The following ZNRF1 variants were observed in gnomAD, a reference collection of about 807,000 sequenced individuals.
The protein encoded by ZNRF1 is E3 ubiquitin-protein ligase ZNRF1.
ZNRF1 carries 3 observed loss-of-function variants against 18.4 expected under a neutral mutation model. That is an observed-to-expected ratio of 0.16 (90% CI 0.07 to 0.42). The LOEUF (loss-of-function observed/expected upper bound fraction) is 0.42. Ranked by LOEUF, ZNRF1 falls within the 10% of genes least tolerant of loss-of-function variation. The pLI is 0.99. For missense variants in ZNRF1, 310 were observed against 329.8 expected (o/e 0.94, Z 0.47); for synonymous variants, 157 against 144.2 (o/e 1.09, Z -0.64).
intron 1 of ZNRF1, among the ~76,000 whole-genome samples, chr16:75,010,433 A>C (rs1430991608): frequency 1.3e-5 from 2 of 152,196 alleles, no homozygotes; most frequent in African/African-American, 4.8e-5. Context: ...ATTTTGCTCA[A>C]AATAAAGAAT....
chr16:75,098,701 G>A (rs577303442), intron 2 of ZNRF1, among the ~76,000 whole-genome samples: 31 of 152,308 alleles, frequency 2.0e-4, no homozygotes, highest in African/African-American at 6.3e-4. Flanking sequence ...CATTTGCTAG[G>A]GGTTTCCCCT....
chr16:75,005,364 A>G (rs1357758114), intron 1 of ZNRF1, among the ~76,000 whole-genome samples: 1 of 152,226 alleles, frequency 6.6e-6, no homozygotes, highest in African/African-American at 2.4e-5. Context: ...TAGCTCTTAA[A>G]GCGTTTGCTT....
At chr16:75,058,619 C>T (rs2035698778) in intron 1 of ZNRF1, among the ~76,000 whole-genome samples, 1 of 152,176 alleles carries the variant, frequency 6.6e-6, no homozygotes, top group Non-Finnish European at 1.5e-5. Flanking sequence ...GACAACAGGG[C>T]TCCCAGGACT....
chr16:75,025,177 C>G (rs1047898958), intron 1 of ZNRF1, among the ~76,000 whole-genome samples: 1 of 152,154 alleles, frequency 6.6e-6, no homozygotes, highest in African/African-American at 2.4e-5. Context: ...ATGCCATTCT[C>G]CTGCCTCAGC....
intron 1 of ZNRF1, among the ~76,000 whole-genome samples, chr16:75,050,904 A>C (rs868502571): frequency 4.3e-4 from 55 of 128,546 alleles, no homozygotes; most frequent in African/African-American, 1.5e-3. Context: ...AAAAACAAAA[A>C]ACTTGTAGCC....
intron 1 of ZNRF1, among the ~76,000 whole-genome samples, chr16:75,057,167 AC>A (rs2035679473): frequency 6.6e-6 from 1 of 151,674 alleles, no homozygotes; most frequent in African/African-American, 2.4e-5. Context: ...ATCTTGGAAT[AC>A]CCCCACCCTG....
chr16:75,057,635 G>A (rs994070299), intron 1 of ZNRF1, among the ~76,000 whole-genome samples: 1 of 152,126 alleles, frequency 6.6e-6, no homozygotes, highest in African/African-American at 2.4e-5. Flanking sequence ...AAACTGCTAT[G>A]TATTTTTCAT....
intron 3 of ZNRF1, chr16:75,105,803 A>G (rs1287072581): frequency 6.6e-6 from 1 of 152,240 alleles, no homozygotes; most frequent in Non-Finnish European, 1.5e-5. Flanking sequence ...TGGTTTACAA[A>G]TCAGGAAGCT....
chr16:75,073,472 C>T (rs938355034), intron 1 of ZNRF1, among the ~76,000 whole-genome samples: 3 of 151,950 alleles, frequency 2.0e-5, no homozygotes, highest in African/African-American at 7.3e-5. Context: ...CATTCCCCAC[C>T]CCGCCGTAGC....
At chr16:75,019,067 G>T (rs2035109367) in intron 1 of ZNRF1, among the ~76,000 whole-genome samples, 1 of 152,170 alleles carries the variant, frequency 6.6e-6, no homozygotes, top group Non-Finnish European at 1.5e-5. Flanking sequence ...TCAGGAGGTT[G>T]AGGCAGGATG....
At chr16:75,012,975 C>T (rs2145326129) in intron 1 of ZNRF1, among the ~76,000 whole-genome samples, 1 of 152,312 alleles carries the variant, frequency 6.6e-6, no homozygotes, top group Middle Eastern at 3.4e-3. Context: ...ATAAAGGGCA[C>T]AGGCATGGAA....
chr16:75,082,950 A>G (rs974068937), intron 1 of ZNRF1, among the ~76,000 whole-genome samples: 2 of 152,216 alleles, frequency 1.3e-5, no homozygotes, highest in African/African-American at 4.8e-5. Flanking sequence ...ATTCTAAGGC[A>G]CAGACACTTC....
At chr16:75,039,299 G>C (rs1033528617) in intron 1 of ZNRF1, among the ~76,000 whole-genome samples, 28 of 151,814 alleles carry the variant, frequency 1.8e-4, no homozygotes, top group African/African-American at 6.8e-4. Flanking sequence ...TAATGTGGAA[G>C]CATATTTAGA....
intron 1 of ZNRF1, among the ~76,000 whole-genome samples, chr16:75,006,066 C>G (rs890967572): frequency 6.6e-6 from 1 of 152,126 alleles, no homozygotes; most frequent in African/African-American, 2.4e-5. Context: ...AGAAAAGGTA[C>G]AGGATATAGT....
chr16:75,000,060 T>C lies in ZNRF1; in HGVS notation c.389T>C (p.Leu130Pro). ...GCCTCGCTGGCGGATGCTCTACCTC[T>C]GCACATCGCACCCAGGTGGTTCAGC... ...SRASLADALPLHIAPRWFSSH... is the reference protein window; with the variant it reads ...SRASLADALPPHIAPRWFSSH... The change falls in exon 1 of 5, where the codon CTG becomes CCG. Residue 130 changes from leucine to proline, a missense_variant. Coordinates refer to ENST00000335325, the MANE Select transcript of ZNRF1 (RefSeq NM_032268.5). 1 of 1,602,546 alleles carries C rather than the reference T, an allele frequency of 6.2e-7. No homozygotes were observed. Among genetic ancestry groups the C allele is most frequent in the Non-Finnish European group, 8.5e-7 (1 of 1,175,762 alleles).
intron 1 of ZNRF1, among the ~76,000 whole-genome samples, chr16:75,073,294 T>C (rs2035896764): frequency 6.6e-6 from 1 of 152,124 alleles, no homozygotes; most frequent in African/African-American, 2.4e-5. Flanking sequence ...CTAGTTTTTA[T>C]TAATAGCTGT....
chr16:75,027,230 C>T (rs1015292100), intron 1 of ZNRF1, among the ~76,000 whole-genome samples: 2 of 150,488 alleles, frequency 1.3e-5, no homozygotes, highest in African/African-American at 2.4e-5. Flanking sequence ...GTGATCACAC[C>T]ACTGCACTCC....
intron 1 of ZNRF1, among the ~76,000 whole-genome samples, chr16:75,092,311 G>T (rs377128686): frequency 6.6e-6 from 1 of 152,100 alleles, no homozygotes; most frequent in Admixed American, 6.6e-5. Flanking sequence ...TGGCAGAGGC[G>T]ATAGAAAATC....
chr16:75,092,421 TCA>T (rs1228425791), intron 1 of ZNRF1, among the ~76,000 whole-genome samples: 1 of 152,116 alleles, frequency 6.6e-6, no homozygotes, highest in African/African-American at 2.4e-5. Context: ...CGGGCAGGAA[TCA>T]CAGTCACAAA....
Sources: gnomAD v4.1 joint callset for allele counts (sites outside exome capture counted in the v4.1 genomes callset) on GRCh38, gnomAD v4.1.1 for gene constraint, MANE v1.5 for transcripts, NCBI Gene and HGNC (gene_info 2026-07-23, HGNC 2026-07-21) for gene names.